The following CDH18 variants were observed in gnomAD, a reference collection of about 807,000 sequenced individuals.
The protein encoded by CDH18 is cadherin 18, also known as cadherin-18.
Under a neutral mutation model 67.9 loss-of-function variants are expected in CDH18, and 31 were observed. That is an observed-to-expected ratio of 0.46 (90% CI 0.34 to 0.62). CDH18 has a LOEUF of 0.62. Ranked by LOEUF, CDH18 falls within the 20% of genes least tolerant of loss-of-function variation. The probability of loss-of-function intolerance (pLI) is 0.01; values close to 1 mark genes in which losing one functional copy is unlikely to be tolerated. For missense variants in CDH18, 890 were observed against 975.5 expected (o/e 0.91, Z 1.17); for synonymous variants, 362 against 347.2 (o/e 1.04, Z -0.48).
chr5:19,972,475 A>G (rs957740299), intron 2 of CDH18, among the ~76,000 whole-genome samples: 2 of 152,066 alleles, frequency 1.3e-5, no homozygotes, highest in Non-Finnish European at 2.9e-5. Flanking sequence ...CAATAAAGCG[A>G]AAGTGGCAAA....
intron 2 of CDH18, among the ~76,000 whole-genome samples, chr5:19,887,953 T>C (rs1166021717): frequency 1.3e-5 from 2 of 152,040 alleles, no homozygotes; most frequent in African/African-American, 2.4e-5. Context: ...CAGAAACATA[T>C]GTCAAAAAGG....
chr5:19,561,466 C>T (rs1739439252), intron 8 of CDH18, among the ~76,000 whole-genome samples: 1 of 151,990 alleles, frequency 6.6e-6, no homozygotes, highest in South Asian at 2.1e-4. Flanking sequence ...TATGAGGATG[C>T]AAAGGCACAA....
chr5:20,252,493 C>G (rs552463304), intron 2 of CDH18, among the ~76,000 whole-genome samples: 1 of 152,112 alleles, frequency 6.6e-6, no homozygotes, highest in East Asian at 1.9e-4. Flanking sequence ...TGTTAGTAAA[C>G]ATTATCAGTA....
intron 1 of CDH18, among the ~76,000 whole-genome samples, chr5:19,984,397 G>A (rs1018172161): frequency 1.1e-3 from 160 of 151,672 alleles, no homozygotes; most frequent in African/African-American, 3.8e-3. Flanking sequence ...GAGGAAGGAT[G>A]GAAATAAGAA....
intron 4 of CDH18, among the ~76,000 whole-genome samples, chr5:19,729,035 A>T (rs1336026111): frequency 6.6e-6 from 1 of 152,196 alleles, no homozygotes; most frequent in African/African-American, 2.4e-5. Flanking sequence ...GCAAGTACAC[A>T]TATGAAACAT....
intron 5 of CDH18, among the ~76,000 whole-genome samples, chr5:19,665,570 TTTCA>T (rs1432790591): frequency 6.6e-6 from 1 of 152,100 alleles, no homozygotes; most frequent in Non-Finnish European, 1.5e-5. Flanking sequence ...GATTATAAGT[TTTCA>T]TTAAAAAGAG....
intron 5 of CDH18, among the ~76,000 whole-genome samples, chr5:19,683,496 T>A (rs1760631876): frequency 6.6e-6 from 1 of 152,032 alleles, no homozygotes; most frequent in Non-Finnish European, 1.5e-5. Context: ...AAGAGGGTAG[T>A]GTTTGACTCT....
At chr5:20,254,304 G>C (rs1744070015) in intron 2 of CDH18, among the ~76,000 whole-genome samples, 1 of 151,910 alleles carries the variant, frequency 6.6e-6, no homozygotes, top group Non-Finnish European at 1.5e-5. Flanking sequence ...GTAGAGACAG[G>C]TTTTCACACA....
chr5:19,639,971 CA>C (rs1003198423), intron 5 of CDH18, among the ~76,000 whole-genome samples: 5 of 152,028 alleles, frequency 3.3e-5, no homozygotes, highest in African/African-American at 7.2e-5. Flanking sequence ...ATAATATATG[CA>C]AAATACTGAA....
At chr5:20,270,838 G>A (rs1367279181) in intron 1 of CDH18, among the ~76,000 whole-genome samples, 4 of 152,114 alleles carry the variant, frequency 2.6e-5, no homozygotes, top group Non-Finnish European at 5.9e-5. Context: ...GCAGGAACAT[G>A]AATGGAGTTG....
intron 3 of CDH18, among the ~76,000 whole-genome samples, chr5:19,766,187 T>C (rs945971420): frequency 6.6e-6 from 1 of 152,178 alleles, no homozygotes; most frequent in Non-Finnish European, 1.5e-5. Context: ...CCCAGAACTT[T>C]TTCAATCGTA....
chr5:20,503,761 G>A (rs1455950774), intron 1 of CDH18, among the ~76,000 whole-genome samples: 1 of 152,202 alleles, frequency 6.6e-6, no homozygotes, highest in African/African-American at 2.4e-5. Flanking sequence ...GTTATGGCCA[G>A]GTGCGGTGGC....
intron 12 of CDH18, chr5:19,478,384 G>A (rs1473264347): frequency 6.6e-6 from 1 of 152,114 alleles, no homozygotes; most frequent in Non-Finnish European, 1.5e-5. Context: ...TATTTTTATT[G>A]ACTTACGGAG....
At chr5:19,863,331 A>G (rs1785100630) in intron 2 of CDH18, among the ~76,000 whole-genome samples, 1 of 152,162 alleles carries the variant, frequency 6.6e-6, no homozygotes, top group Non-Finnish European at 1.5e-5. Context: ...TATCAGATAC[A>G]CAAACTAGAA....
intron 5 of CDH18, among the ~76,000 whole-genome samples, chr5:19,704,098 A>T (rs1763639718): frequency 6.6e-6 from 1 of 152,230 alleles, no homozygotes; most frequent in Admixed American, 6.5e-5. Context: ...TTAAACGAAC[A>T]GGAGGATCTG....
At chr5:20,087,613 A>G (rs898351100) in intron 2 of CDH18, among the ~76,000 whole-genome samples, 11 of 152,220 alleles carry the variant, frequency 7.2e-5, no homozygotes, top group Non-Finnish European at 1.0e-4. Flanking sequence ...CCCATCAGGA[A>G]AAAAGATTAC....
intron 2 of CDH18, among the ~76,000 whole-genome samples, chr5:20,069,111 G>A (rs1443549962): frequency 6.6e-6 from 1 of 151,988 alleles, no homozygotes; most frequent in Non-Finnish European, 1.5e-5. Flanking sequence ...AAACCTTCCT[G>A]ATGCTAGGGT....
At chr5:20,571,648 T>C (rs1033495203) in intron 1 of CDH18, among the ~76,000 whole-genome samples, 2 of 152,106 alleles carry the variant, frequency 1.3e-5, no homozygotes, top group Admixed American at 1.3e-4. Flanking sequence ...AATAACTCTA[T>C]ATATTTACTC....
intron 11 of CDH18, among the ~76,000 whole-genome samples, chr5:19,498,795 TAGGCTTGCTA>T (rs1742760557): frequency 6.6e-6 from 1 of 152,200 alleles, no homozygotes; most frequent in Non-Finnish European, 1.5e-5. Flanking sequence ...TTAGGGCCTT[TAGGCTTGCTA>T]AACTTCTTGC....
Sources: gnomAD v4.1 joint callset for allele counts (sites outside exome capture counted in the v4.1 genomes callset) on GRCh38, gnomAD v4.1.1 for gene constraint, MANE v1.5 for transcripts, NCBI Gene and HGNC (gene_info 2026-07-23, HGNC 2026-07-21) for gene names.